Variants in MYMX observed in about 807,000 individuals in gnomAD.
MYMX encodes protein myomixer.
At chr6:44,198,354 A>G in the MYMX span, among the ~76,000 whole-genome samples, 137 of 151,522 alleles carry the variant, frequency 9.0e-4, no homozygotes, top group African/African-American at 3.1e-3. Context: ...TTTAGTAGAG[A>G]TGGGGTTTCA....
At chr6:44,193,396 CA>C in the MYMX span, among the ~76,000 whole-genome samples, 1 of 152,068 alleles carries the variant, frequency 6.6e-6, no homozygotes, top group Admixed American at 6.6e-5. Flanking sequence ...ACCATTCTAA[CA>C]TTCAACCTGT....
At position 44,218,048 on chromosome 6, in the gene MYMX, C is replaced by A. The variant is rs1214840063; in HGVS notation, c.*322C>A. The A allele has an allele frequency of 8.5e-6, 2 of 235,784 alleles. No homozygotes were observed. The highest frequency in any genetic ancestry group is 8.1e-6 in the Non-Finnish European group (1 of 124,164). 14.6% of individuals were successfully genotyped at this position (235,784 alleles called of 1,614,324 possible). On this transcript the variant is annotated 3_prime_UTR_variant, in exon 2 of 2. Coordinates refer to ENST00000573382, the MANE Select transcript of MYMX (RefSeq NM_001315494.2). ...CCCCTGCCCTCCCTGCAAATGGGAA[C>A]ATCAAGGTTCCCAGTGCTTAACTGA...
At chr6:44,209,104 C>T in the MYMX span, among the ~76,000 whole-genome samples, 5 of 152,202 alleles carry the variant, frequency 3.3e-5, no homozygotes, top group Non-Finnish European at 7.3e-5. Context: ...GCTGGGACTA[C>T]AGGCGCATGC....
At chr6:44,206,354 C>T in the MYMX span, among the ~76,000 whole-genome samples, 2 of 151,948 alleles carry the variant, frequency 1.3e-5, no homozygotes, top group Non-Finnish European at 2.9e-5. Flanking sequence ...GTCTCAGCCT[C>T]GGGTAGCTGG....
At chr6:44,198,384 C>G in the MYMX span, among the ~76,000 whole-genome samples, 1 of 151,954 alleles carries the variant, frequency 6.6e-6, no homozygotes, top group East Asian at 1.9e-4. Flanking sequence ...CCAGGATGGT[C>G]TCGATCTCCT....
At chr6:44,200,438 C>A in the MYMX span, among the ~76,000 whole-genome samples, 1 of 152,054 alleles carries the variant, frequency 6.6e-6, no homozygotes, top group Non-Finnish European at 1.5e-5. Context: ...TCTCAGCCTC[C>A]CAAGTAGCTG....
the MYMX span, among the ~76,000 whole-genome samples, chr6:44,210,803 C>T: frequency 5.3e-5 from 8 of 152,306 alleles, no homozygotes; most frequent in African/African-American, 1.9e-4. Flanking sequence ...ATAGTTGGGT[C>T]TGTTAGTAAA....
the MYMX span, among the ~76,000 whole-genome samples, chr6:44,193,979 C>T: frequency 6.6e-6 from 1 of 151,390 alleles, no homozygotes; most frequent in Non-Finnish European, 1.5e-5. Flanking sequence ...AGCAAAACTC[C>T]GTCTCCAAAA....
upstream of MYMX, among the ~76,000 whole-genome samples, chr6:44,214,790 C>G (rs771626376): frequency 5.9e-5 from 9 of 152,158 alleles, no homozygotes; most frequent in Non-Finnish European, 1.2e-4. Context: ...CCAGGCTGGT[C>G]TTGAACTCCT....
At chr6:44,197,100 C>A in the MYMX span, among the ~76,000 whole-genome samples, 1 of 151,976 alleles carries the variant, frequency 6.6e-6, no homozygotes, top group Admixed American at 6.6e-5. Flanking sequence ...ACTAAAAATA[C>A]AAAAATTAGC....
At chr6:44,215,506 G>T (rs1775811367), upstream of MYMX, among the ~76,000 whole-genome samples, 1 of 152,210 alleles carries the variant, frequency 6.6e-6, no homozygotes, top group African/African-American at 2.4e-5. Context: ...CTGTGAGGTT[G>T]AGGCTGCAGT....
chr6:44,197,884 G>A, the MYMX span, among the ~76,000 whole-genome samples: 2 of 151,962 alleles, frequency 1.3e-5, no homozygotes, highest in Non-Finnish European at 2.9e-5. Flanking sequence ...ACCACTCCTG[G>A]CCCTATTGAT....
At chr6:44,214,642 G>A (rs150715443), upstream of MYMX, among the ~76,000 whole-genome samples, 61 of 152,210 alleles carry the variant, frequency 4.0e-4, no homozygotes, top group African/African-American at 1.5e-3. Flanking sequence ...GCATGATCTC[G>A]GCTCACGGCC....
the MYMX span, among the ~76,000 whole-genome samples, chr6:44,200,877 C>G: frequency 6.6e-6 from 1 of 152,116 alleles, no homozygotes; most frequent in African/African-American, 2.4e-5. Flanking sequence ...GGGCAGTGGG[C>G]AACAGCTGTT....
the MYMX span, among the ~76,000 whole-genome samples, chr6:44,211,619 CTTTT>C: frequency 2.2e-5 from 3 of 137,412 alleles, no homozygotes. Flanking sequence ...CTTTTCTTTT[CTTTT>C]TTTTTTTTTT....
chr6:44,213,716 G>C (rs62401147), upstream of MYMX, among the ~76,000 whole-genome samples: 8,852 of 152,212 alleles, frequency 0.058, 351 homozygotes, highest in Middle Eastern at 0.088. Flanking sequence ...CACTGCACCC[G>C]GTCTCTAGTA....
At chr6:44,213,927 T>TA (rs1453327058), upstream of MYMX, among the ~76,000 whole-genome samples, 1 of 152,184 alleles carries the variant, frequency 6.6e-6, no homozygotes, top group African/African-American at 2.4e-5. Context: ...CTTCCCACCC[T>TA]AGCCTCCTGA....
chr6:44,207,604 T>G, the MYMX span, among the ~76,000 whole-genome samples: 267 of 151,824 alleles, frequency 1.8e-3, 1 homozygote, highest in Non-Finnish European at 3.2e-3. Context: ...ATGGTCTCGG[T>G]TAACTGTAAC....
At chr6:44,205,234 T>C in the MYMX span, among the ~76,000 whole-genome samples, 1 of 151,552 alleles carries the variant, frequency 6.6e-6, no homozygotes, top group African/African-American at 2.4e-5. Context: ...TCATCGTTCT[T>C]TGAAAAAAAA....
Sources: allele counts gnomAD v4.1 joint callset (sites outside exome capture counted in the v4.1 genomes callset), GRCh38; gene constraint gnomAD v4.1.1; transcripts MANE v1.5; gene names NCBI Gene and HGNC (gene_info 2026-07-23, HGNC 2026-07-21).